FILIP1L: variants seen among roughly 807,000 people sequenced by gnomAD.
The protein encoded by FILIP1L is filamin A interacting protein 1 like, also known as filamin A-interacting protein 1-like.
Under a neutral mutation model 96.6 loss-of-function variants are expected in FILIP1L, and 55 were observed. That is an observed-to-expected ratio of 0.57 (90% CI 0.46 to 0.71). The LOEUF is 0.71. FILIP1L is among the 30% of genes least tolerant of loss of function. The pLI, the probability that FILIP1L is intolerant of heterozygous loss-of-function variation, is 0.00. For missense variants in FILIP1L, 1,304 were observed against 1,321.2 expected (o/e 0.99, Z 0.20); for synonymous variants, 467 against 473.9 (o/e 0.99, Z 0.19).
chr3:99,887,764 T>C (rs1010586616), intron 4 of FILIP1L, among the ~76,000 whole-genome samples: 2 of 152,210 alleles, frequency 1.3e-5, no homozygotes, highest in African/African-American at 4.8e-5. Flanking sequence ...AGATAGGGCC[T>C]CATTCTGTCA....
intron 1 of FILIP1L, among the ~76,000 whole-genome samples, chr3:100,035,237 T>TGTCCATGC (rs1391665962): frequency 2.0e-5 from 3 of 152,208 alleles, no homozygotes; most frequent in Non-Finnish European, 4.4e-5. Flanking sequence ...CATAAATGAA[T>TGTCCATGC]GTCCATGCTG....
intron 1 of FILIP1L, among the ~76,000 whole-genome samples, chr3:100,082,021 A>T (rs1427186627): frequency 6.6e-6 from 1 of 152,222 alleles, no homozygotes; most frequent in African/African-American, 2.4e-5. Context: ...AAACTGTTCC[A>T]GTATCTTATG....
At chr3:99,894,179 G>GA (rs1170813266) in intron 4 of FILIP1L, among the ~76,000 whole-genome samples, 1 of 152,198 alleles carries the variant, frequency 6.6e-6, no homozygotes, top group East Asian at 1.9e-4. Flanking sequence ...GGTATTAATA[G>GA]AAAAGGAGAT....
chr3:99,956,179 C>A (rs768663147), intron 1 of FILIP1L, among the ~76,000 whole-genome samples: 1 of 152,148 alleles, frequency 6.6e-6, no homozygotes, highest in African/African-American at 2.4e-5. Flanking sequence ...GCCCTTTCTT[C>A]CACTTATTCC....
intron 1 of FILIP1L, among the ~76,000 whole-genome samples, chr3:100,034,709 C>T (rs565505125): frequency 9.2e-5 from 14 of 152,296 alleles, no homozygotes; most frequent in African/African-American, 3.1e-4. Flanking sequence ...GTTCAAAGTA[C>T]ACCTGCTTGA....
chr3:99,850,414 C>G lies in FILIP1L; in HGVS notation c.1262G>C (p.Ser421Thr), dbSNP rs1467780426. The G allele has an allele frequency of 6.8e-6, 11 of 1,613,874 alleles. 1 individual carries two copies. The South Asian group carries it at 1.2e-4, about 18-fold the overall frequency. The stretch of plus-strand genomic sequence containing the variant: ...CTTTTCCAGAGCCATAATTCTTTTA[C>G]TGAGTTTTTCAACCTCTAGTTTAAA... ...KDFKLEVEKL[S>T]KRIMALEKLE... The change falls in exon 5 of 6, where the codon AGT becomes ACT. Residue 421 changes from serine to threonine, a missense_variant. Physicochemically the swap from Ser to Thr is moderately conservative, Grantham distance 58 (BLOSUM62 1). Coordinates refer to ENST00000477258, the MANE Select transcript of FILIP1L (RefSeq NM_001387850.1).
chr3:100,088,736 G>A lies in FILIP1L; in HGVS notation c.-11+25317C>T, dbSNP rs1559753503. Among the ~76,000 whole-genome samples, 3 of 151,772 alleles carry A rather than the reference G, an allele frequency of 2.0e-5. No homozygotes were observed. The East Asian group carries it at 5.8e-4, about 29-fold the overall frequency. On this transcript the variant is annotated intron_variant, in intron 1 of 5. Coordinates refer to ENST00000477258, the MANE Select transcript of FILIP1L (RefSeq NM_001387850.1). ...TCCTGACATATTTTCTTGTCCTTGT[G>A]CCTTGTAATTTCTTTTTCTTCATAT... is the stretch of plus-strand genomic sequence containing the variant.
intron 4 of FILIP1L, among the ~76,000 whole-genome samples, chr3:99,871,783 TCCAGGG>T (rs1944800361): frequency 6.6e-6 from 1 of 152,196 alleles, no homozygotes; most frequent in African/African-American, 2.4e-5. Flanking sequence ...ACACAGTCTT[TCCAGGG>T]CACCTCTCAC....
At chr3:100,068,531 G>A (rs2065706167) in intron 1 of FILIP1L, among the ~76,000 whole-genome samples, 1 of 152,118 alleles carries the variant, frequency 6.6e-6, no homozygotes, top group Admixed American at 6.5e-5. Context: ...TGGATTAGTG[G>A]GTGCTGCCAA....
intron 4 of FILIP1L, among the ~76,000 whole-genome samples, chr3:99,864,050 G>A (rs527359943): frequency 6.6e-6 from 1 of 152,106 alleles, no homozygotes; most frequent in African/African-American, 2.4e-5. Context: ...AAACTTTGTA[G>A]GATCTATTTT....
In FILIP1L at chr3:99,930,937, A is replaced by G. The variant is rs1443995669; in HGVS notation, c.84T>C (p.Pro28=). The G allele has an allele frequency of 6.2e-7, 1 of 1,613,490 alleles. No individual in the cohort carries two copies. The highest frequency in any genetic ancestry group is 8.5e-7 in the Non-Finnish European group (1 of 1,179,862). ...RHTKGHSFQG[P]KNMKHRQQDK... is the part of the protein sequence containing the mutation. ...CTTGCTGTCTATGCTTCATGTTTTT[A>G]GGCCCTTGGAAACTGTGGCCTTTAG... is the stretch of plus-strand genomic sequence containing the variant. Residue 28 remains proline (P), a synonymous_variant, in exon 2 of 6, where the codon CCT becomes CCC. Coordinates refer to ENST00000477258, the MANE Select transcript of FILIP1L (RefSeq NM_001387850.1).
intron 1 of FILIP1L, among the ~76,000 whole-genome samples, chr3:99,992,079 CTT>C (rs918263313): frequency 6.6e-6 from 1 of 150,992 alleles, no homozygotes; most frequent in African/African-American, 2.4e-5. Context: ...TTAATGGACA[CTT>C]AGGTTAATTC....
chr3:100,006,436 G>T (rs1709988103), intron 1 of FILIP1L, among the ~76,000 whole-genome samples: 1 of 151,928 alleles, frequency 6.6e-6, no homozygotes, highest in South Asian at 2.1e-4. Flanking sequence ...CCCACAAATG[G>T]ATAAATTTGG....
At chr3:100,041,505 C>CA in intron 1 of FILIP1L, 1 of 151,850 alleles carries the variant, frequency 6.6e-6, no homozygotes. Context: ...TGTGATGTTA[C>CA]AAAAAAGCAA....
intron 2 of FILIP1L, 88 bp downstream of exon 2, chr3:99,930,681 G>GAA: frequency 7.1e-7 from 1 of 1,406,516 alleles, no homozygotes; most frequent in South Asian, 1.3e-5. Flanking sequence ...ATGAACCACA[G>GAA]ATATCTATTT....
intron 1 of FILIP1L, among the ~76,000 whole-genome samples, chr3:99,963,458 G>C (rs940294454): frequency 4.6e-5 from 7 of 152,298 alleles, no homozygotes; most frequent in Non-Finnish European, 7.3e-5. Flanking sequence ...GACGGTCTCT[G>C]TGGGTCCAAA....
At chr3:100,084,024 T>C (rs1449992894) in intron 1 of FILIP1L, among the ~76,000 whole-genome samples, 1 of 152,210 alleles carries the variant, frequency 6.6e-6, no homozygotes, top group Non-Finnish European at 1.5e-5. Flanking sequence ...TGTTATTTCT[T>C]CCTTTCATAA....
chr3:100,046,593 A>G (rs1406678396), intron 1 of FILIP1L, among the ~76,000 whole-genome samples: 1 of 152,096 alleles, frequency 6.6e-6, no homozygotes, highest in Non-Finnish European at 1.5e-5. Context: ...GTGAGGAGAG[A>G]GGTTAGCAAA....
rs185851396 is a variant in FILIP1L, at chr3:100,007,863, G to A, written c.-10-76833C>T. Among the ~76,000 whole-genome samples the A allele has an allele frequency of 5.0e-3, 758 of 152,306 alleles. 5 individuals carry two copies. The highest frequency in any genetic ancestry group is 0.017 in the African/African-American group (716 of 41,582). On this transcript the variant is annotated intron_variant, in intron 1 of 5. Transcript: ENST00000477258. The stretch of plus-strand genomic sequence containing the variant: ...TACAGACAGGTGTCTATTGGTGTCT[G>A]TTAGTGAACAGATTCTTATAGTCTC...
Sources: gnomAD v4.1 joint callset for allele counts (sites outside exome capture counted in the v4.1 genomes callset) on GRCh38, gnomAD v4.1.1 for gene constraint, MANE v1.5 for transcripts, NCBI Gene and HGNC (gene_info 2026-07-23, HGNC 2026-07-21) for gene names.